CYRIB: variants seen among roughly 807,000 people sequenced by gnomAD.
CYRIB encodes CYFIP related Rac1 interactor B, also known as CYFIP-related Rac1 interactor B.
A neutral mutation model predicts 44.2 loss-of-function variants in CYRIB; 8 were observed. The ratio of observed to expected loss-of-function variants is 0.18; its 90% CI spans 0.11 to 0.33. The LOEUF (loss-of-function observed/expected upper bound fraction) is 0.33. Ranked by LOEUF, CYRIB falls within the 10% of genes least tolerant of loss-of-function variation. The pLI is 1.00. For synonymous variants in CYRIB, 131 were observed against 127.2 expected (o/e 1.03, Z -0.20); for missense variants, 185 against 382.8 (o/e 0.48, Z 4.31).
chr8:129,958,504 C>T lies in CYRIB; in HGVS notation c.-243+12439G>A, dbSNP rs185970123. On this transcript the variant is annotated intron_variant, in intron 2 of 14. Transcript: ENST00000401979. Reference sequence around the variant, plus strand: ...AACTGTATTCTGTATTTTGAAGGCACAAGTTAACATGGGCCCAAGGGAAGG... The same window carrying T: ...AACTGTATTCTGTATTTTGAAGGCATAAGTTAACATGGGCCCAAGGGAAGG... Among the ~76,000 whole-genome samples, 4 of 152,212 alleles carry T rather than the reference C, an allele frequency of 2.6e-5. No individual in the cohort carries two copies. The East Asian group carries it at 5.8e-4, about 22-fold the overall frequency.
chr8:129,963,472 T>C (rs994912511), intron 2 of CYRIB, among the ~76,000 whole-genome samples: 2 of 152,224 alleles, frequency 1.3e-5, no homozygotes, highest in African/African-American at 4.8e-5. Flanking sequence ...TTACAGCTAT[T>C]TAAAGCCAAT....
chr8:129,913,793 A>T (rs1330043477), intron 1 of CYRIB, among the ~76,000 whole-genome samples: 1 of 152,220 alleles, frequency 6.6e-6, no homozygotes, highest in Non-Finnish European at 1.5e-5. Context: ...ATTAAATAAG[A>T]ATATGTCTAG....
intron 3 of CYRIB, among the ~76,000 whole-genome samples, chr8:129,876,774 G>A (rs907356104): frequency 1.3e-5 from 2 of 151,994 alleles, no homozygotes; most frequent in African/African-American, 4.8e-5. Flanking sequence ...TCACCCAACT[G>A]CAGAGACATA....
chr8:130,010,124 G>A (rs1427481076), intron 1 of CYRIB, among the ~76,000 whole-genome samples: 1 of 152,224 alleles, frequency 6.6e-6, no homozygotes, highest in African/African-American at 2.4e-5. Context: ...AAGACAGAAA[G>A]AGGATTAGTC....
intron 4 of CYRIB, among the ~76,000 whole-genome samples, chr8:129,868,915 G>T (rs1407185812): frequency 6.8e-6 from 1 of 147,668 alleles, no homozygotes; most frequent in East Asian, 2.0e-4. Context: ...AAAAAAACCC[G>T]GGCTGGGCAC....
chr8:129,848,811 A>G (rs1005559452), intron 10 of CYRIB, among the ~76,000 whole-genome samples: 1 of 151,112 alleles, frequency 6.6e-6, no homozygotes, highest in African/African-American at 2.4e-5. Flanking sequence ...GGCTCAAGTG[A>G]TCCTCCTGCT....
chr8:129,944,308 G>C (rs913021577), upstream of CYRIB, among the ~76,000 whole-genome samples: 2 of 152,130 alleles, frequency 1.3e-5, no homozygotes, highest in Non-Finnish European at 2.9e-5. Context: ...AACAGGCACC[G>C]GAATTAAGAT....
rs184566441 is a variant in CYRIB at position 129,967,398 on chromosome 8, G to C, written c.-243+3545C>G. ...TTTTTTGTTTTTTTGTTTTTTTTTT[G>C]AGATGGAGTCTTGCTCTGTCGCCCA... On this transcript the variant is annotated intron_variant, in intron 2 of 14. Transcript: ENST00000401979. Among the ~76,000 whole-genome samples, 382 of 134,238 alleles carry C rather than the reference G, an allele frequency of 2.8e-3. 3 individuals carry two copies. The highest frequency in any genetic ancestry group is 0.01 in the African/African-American group (365 of 35,562). The allele number at this position is 134,238 out of a possible 152,430, so 88.1% of individuals were successfully genotyped here.
At chr8:129,866,508 AT>A (rs2132716131) in intron 4 of CYRIB, among the ~76,000 whole-genome samples, 1 of 152,276 alleles carries the variant, frequency 6.6e-6, no homozygotes, top group African/African-American at 2.4e-5. Context: ...AAAAAAAATA[AT>A]AATAACTTAA....
rs183219522 is a variant in CYRIB at position 129,995,066 on chromosome 8, T to G, written c.-296+21304A>C. The stretch of plus-strand genomic sequence containing the variant: ...AGAGGCTCTGCCTCCCTCCAAGACT[T>G]ACATACTGAGGGTTCCCCCAACCAG... On this transcript the variant is annotated intron_variant, in intron 1 of 14. Transcript: ENST00000401979. Among the ~76,000 whole-genome samples the G allele has an allele frequency of 2.7e-3, 404 of 152,352 alleles. 7 individuals are homozygous for G. Among genetic ancestry groups the G allele is most frequent in the Admixed American group, 0.024 (369 of 15,306 alleles).
intron 1 of CYRIB, among the ~76,000 whole-genome samples, chr8:129,992,454 G>A (rs1372370130): frequency 1.3e-5 from 2 of 152,142 alleles, no homozygotes; most frequent in Non-Finnish European, 2.9e-5. Flanking sequence ...CGCTCACAAA[G>A]ATAACAGAGT....
intron 2 of CYRIB, among the ~76,000 whole-genome samples, chr8:129,950,168 T>C (rs2094429811): frequency 6.6e-6 from 1 of 152,244 alleles, no homozygotes; most frequent in Non-Finnish European, 1.5e-5. Context: ...TGTTGACAAT[T>C]GCTGTTTTAA....
At chr8:130,005,289 A>G (rs2097026098) in intron 1 of CYRIB, among the ~76,000 whole-genome samples, 1 of 152,170 alleles carries the variant, frequency 6.6e-6, no homozygotes, top group South Asian at 2.1e-4. Flanking sequence ...GGATCAGAAC[A>G]GGAAACCAGG....
chr8:129,848,071 G>C (rs995448146), intron 10 of CYRIB, among the ~76,000 whole-genome samples: 15 of 152,182 alleles, frequency 9.9e-5, no homozygotes, highest in Middle Eastern at 3.4e-3. Context: ...CTGCCAAAGT[G>C]CTGGGATTAC....
upstream of CYRIB, among the ~76,000 whole-genome samples, chr8:129,944,802 A>AAAAT (rs1215609275): frequency 6.6e-6 from 1 of 151,942 alleles, no homozygotes; most frequent in Non-Finnish European, 1.5e-5. Context: ...AACAAAAACA[A>AAAAT]AAATAAATAA....
At chr8:129,960,962 A>AAAG (rs1564436268) in intron 2 of CYRIB, among the ~76,000 whole-genome samples, 3 of 149,908 alleles carry the variant, frequency 2.0e-5, no homozygotes, top group Admixed American at 6.7e-5. Context: ...AAAAAAAAAA[A>AAAG]AAAGAAAGAA....
intron 1 of CYRIB, among the ~76,000 whole-genome samples, chr8:129,908,313 T>G (rs1446541592): frequency 6.6e-6 from 1 of 151,962 alleles, no homozygotes; most frequent in African/African-American, 2.4e-5. Flanking sequence ...AAACGATAAT[T>G]TGTAACAGGG....
intron 3 of CYRIB, among the ~76,000 whole-genome samples, chr8:129,873,039 T>C (rs1321406125): frequency 6.6e-6 from 1 of 151,986 alleles, no homozygotes; most frequent in African/African-American, 2.4e-5. Flanking sequence ...ATACCACATT[T>C]TTTTTAAAAT....
chr8:129,881,717 T>TA (rs1489126952), intron 2 of CYRIB, among the ~76,000 whole-genome samples: 3 of 152,246 alleles, frequency 2.0e-5, no homozygotes, highest in African/African-American at 7.2e-5. Flanking sequence ...GAGATCTATC[T>TA]TCTTCTTATA....
Sources: allele counts gnomAD v4.1 joint callset (sites outside exome capture counted in the v4.1 genomes callset), GRCh38; gene constraint gnomAD v4.1.1; transcripts MANE v1.5; gene names NCBI Gene and HGNC (gene_info 2026-07-23, HGNC 2026-07-21).